ADGRL3: variants seen among roughly 807,000 people sequenced by gnomAD.
The protein encoded by ADGRL3 is calcium-independent alpha-latrotoxin receptor 3.
In ADGRL3, 62 loss-of-function variants were observed where a neutral mutation model predicts 153.5. That is an observed-to-expected ratio of 0.40 (90% CI 0.33 to 0.50). The LOEUF is 0.50. Among genes scored for constraint, ADGRL3 ranks in the 20% least tolerant of loss-of-function variants. The pLI is 0.47. For synonymous variants in ADGRL3, 710 were observed against 672.5 expected, an observed-to-expected ratio of 1.06 and a Z score of -0.86; for missense variants, 1,641 against 1,859.4, an observed-to-expected ratio of 0.88 and a Z score of 2.16.
intron 10 of ADGRL3, among the ~76,000 whole-genome samples, chr4:61,894,637 C>A (rs758084116): frequency 7.2e-5 from 11 of 152,096 alleles, no homozygotes; most frequent in Non-Finnish European, 1.5e-4. Flanking sequence ...TTTTCAGTGA[C>A]AATTGGAAAA....
intron 13 of ADGRL3, among the ~76,000 whole-genome samples, chr4:61,928,528 A>G (rs1026793616): frequency 2.0e-5 from 3 of 152,220 alleles, no homozygotes; most frequent in Admixed American, 6.5e-5. Flanking sequence ...CTCATTCAAC[A>G]GTGCCTTACC....
At chr4:61,358,667 T>A (rs1462484401) in intron 1 of ADGRL3, among the ~76,000 whole-genome samples, 2 of 151,702 alleles carry the variant, frequency 1.3e-5, no homozygotes, top group Non-Finnish European at 2.9e-5. Context: ...AACTGTCTCC[T>A]GGGGCATCCC....
chr4:61,621,534 T>A (rs1250743711), intron 5 of ADGRL3, among the ~76,000 whole-genome samples: 1 of 152,166 alleles, frequency 6.6e-6, no homozygotes, highest in Non-Finnish European at 1.5e-5. Context: ...AATTAATGAA[T>A]GTTTAGTGTT....
chr4:61,642,922 A>G (rs1031405035), intron 5 of ADGRL3, among the ~76,000 whole-genome samples: 7 of 152,230 alleles, frequency 4.6e-5, no homozygotes, highest in Non-Finnish European at 1.5e-5. Flanking sequence ...ACCCATGAGC[A>G]TGGAATCTTC....
intron 2 of ADGRL3, chr4:61,385,493 C>T (rs1404135876): frequency 1.3e-5 from 2 of 152,190 alleles, no homozygotes; most frequent in Non-Finnish European, 2.9e-5. Flanking sequence ...TATAACCTCA[C>T]CTTCCCTGTC....
chr4:61,466,034 A>G (rs1191023890), intron 2 of ADGRL3, among the ~76,000 whole-genome samples: 1 of 151,796 alleles, frequency 6.6e-6, no homozygotes, highest in Non-Finnish European at 1.5e-5. Context: ...AGACAGGAGA[A>G]TCACTTGAAC....
At position 61,437,107 on chromosome 4, in the gene ADGRL3, G is replaced by T. The variant is rs189989304; in HGVS notation, c.-174+53918G>T. Among the ~76,000 whole-genome samples the T allele has an allele frequency of 8.3e-3, 1,259 of 152,164 alleles. 20 individuals carry two copies. Among genetic ancestry groups the T allele is most frequent in the African/African-American group, 0.029 (1,203 of 41,510 alleles). ...AAGTAGGAAAACGGAAGAAGAATTT[G>T]TCAAAATATTGTTACATTTAAATTT... On this transcript the variant is annotated intron_variant, in intron 2 of 26. Coordinates refer to ENST00000683033, the MANE Select transcript of ADGRL3 (RefSeq NM_001387552.1).
At chr4:62,063,775 G>T in intron 25 of ADGRL3, 1 of 455,228 alleles carries the variant, frequency 2.2e-6, no homozygotes, top group Non-Finnish European at 3.9e-6. Context: ...CACCCCTCTT[G>T]GTGCTTTTAT....
chr4:61,742,617 G>A (rs1309373400), intron 8 of ADGRL3, among the ~76,000 whole-genome samples: 1 of 152,044 alleles, frequency 6.6e-6, no homozygotes, highest in Admixed American at 6.6e-5. Flanking sequence ...AAATACCTTG[G>A]ACTAGGCTTG....
intron 1 of ADGRL3, among the ~76,000 whole-genome samples, chr4:61,324,390 A>T (rs1010321298): frequency 6.6e-6 from 1 of 151,380 alleles, no homozygotes; most frequent in Non-Finnish European, 1.5e-5. Flanking sequence ...TAAGCATGTT[A>T]AAAAAAAAGA....
At chr4:61,565,586 G>C (rs1340563143) in intron 4 of ADGRL3, among the ~76,000 whole-genome samples, 1 of 151,668 alleles carries the variant, frequency 6.6e-6, no homozygotes, top group African/African-American at 2.4e-5. Flanking sequence ...CGCCCAGACT[G>C]AAGTGCAGTG....
rs765086852 is a variant in ADGRL3, at chr4:61,983,428, G to A, written c.3061G>A (p.Ala1021Thr). 2.5e-6 allele frequency: 4 copies of A among 1,613,598 alleles called. No homozygotes were observed. In the African/African-American group the frequency reaches 5.3e-5, roughly 22 times the overall value. The change falls in exon 19 of 27, where the codon GCT becomes ACT. Residue 1021 changes from alanine (A) to threonine (T), a missense_variant. By Grantham distance (58) the Ala-to-Thr change is moderately conservative. Transcript: ENST00000683033. ...TGCCCTGTTACATTTCTTCTTCTTG[G>A]CTGCCTTCACCTGGATGTTCCTGGA... ...FAALLHFFFL[A>T]AFTWMFLEGV...
chr4:61,764,790 G>A (rs925929557), intron 8 of ADGRL3, among the ~76,000 whole-genome samples: 7 of 152,030 alleles, frequency 4.6e-5, no homozygotes, highest in African/African-American at 1.4e-4. Flanking sequence ...GAGAGAGAAT[G>A]GTCGATGTTT....
intron 6 of ADGRL3, among the ~76,000 whole-genome samples, chr4:61,683,849 C>T (rs1482114549): frequency 2.6e-5 from 4 of 152,216 alleles, no homozygotes; most frequent in African/African-American, 7.2e-5. Flanking sequence ...AGGCTGGTCT[C>T]GAACTCCTAG....
chr4:61,607,331 G>T (rs1431114266), intron 5 of ADGRL3, among the ~76,000 whole-genome samples: 20 of 152,166 alleles, frequency 1.3e-4, no homozygotes. Flanking sequence ...AGGCGCAGTG[G>T]CTCACACCTG....
chr4:61,773,413 C>A (rs2097108827), intron 8 of ADGRL3, among the ~76,000 whole-genome samples: 1 of 152,258 alleles, frequency 6.6e-6, no homozygotes, highest in Non-Finnish European at 1.5e-5. Context: ...TAATGCAAAA[C>A]AATCCAGATT....
At chr4:61,418,867 T>C (rs2097172519) in intron 2 of ADGRL3, among the ~76,000 whole-genome samples, 1 of 150,740 alleles carries the variant, frequency 6.6e-6, no homozygotes, top group Non-Finnish European at 1.5e-5. Flanking sequence ...TACAGTAACA[T>C]TTAAAACTTC....
intron 2 of ADGRL3, among the ~76,000 whole-genome samples, chr4:61,393,003 A>G (rs2096831248): frequency 6.6e-6 from 1 of 152,066 alleles, no homozygotes; most frequent in African/African-American, 2.4e-5. Context: ...CAATTTTCGA[A>G]TGTGGTTCCT....
intron 2 of ADGRL3, among the ~76,000 whole-genome samples, chr4:61,430,851 A>G (rs2097347951): frequency 6.6e-6 from 1 of 152,130 alleles, no homozygotes; most frequent in Non-Finnish European, 1.5e-5. Flanking sequence ...ATTCTCCTGC[A>G]TATTTTGGTA....
Sources: gnomAD v4.1 joint callset for allele counts (sites outside exome capture counted in the v4.1 genomes callset) on GRCh38, gnomAD v4.1.1 for gene constraint, MANE v1.5 for transcripts, NCBI Gene and HGNC (gene_info 2026-07-23, HGNC 2026-07-21) for gene names.